The following ANK3 variants were observed in gnomAD, a reference collection of about 807,000 sequenced individuals.
ANK3 encodes the protein ankyrin 3.
Under a neutral mutation model 370.9 loss-of-function variants are expected in ANK3, and 57 were observed. That is an observed-to-expected ratio of 0.15 (90% CI 0.12 to 0.19). The LOEUF (loss-of-function observed/expected upper bound fraction) is 0.19, where lower values mean the gene tolerates loss of function less well. Ranked by LOEUF, ANK3 falls within the 10% of genes least tolerant of loss-of-function variation. ANK3 has a pLI of 1.00. For missense variants in ANK3, 4,439 were observed against 5,302.1 expected (o/e 0.84, Z 5.06); for synonymous variants, 1,929 against 1,946.3 (o/e 0.99, Z 0.23).
chr10:60,095,804 A>C (rs1409275713), intron 28 of ANK3, among the ~76,000 whole-genome samples: 1 of 152,258 alleles, frequency 6.6e-6, no homozygotes, highest in African/African-American at 2.4e-5. Flanking sequence ...TTACTTAATG[A>C]ACATTTACAC....
At chr10:60,464,974 G>A (rs2064975765) in intron 2 of ANK3, among the ~76,000 whole-genome samples, 1 of 152,130 alleles carries the variant, frequency 6.6e-6, no homozygotes, top group African/African-American at 2.4e-5. Flanking sequence ...ATTCTCATGA[G>A]AAGTTCCTGC....
At chr10:60,511,878 T>C (rs1567107200) in intron 2 of ANK3, among the ~76,000 whole-genome samples, 1 of 152,044 alleles carries the variant, frequency 6.6e-6, no homozygotes, top group Non-Finnish European at 1.5e-5. Flanking sequence ...CAAATGCCTC[T>C]GGTAATGACA....
intron 42 of ANK3, chr10:60,044,127 G>A (rs772204519): frequency 9.1e-6 from 9 of 985,348 alleles, no homozygotes; most frequent in African/African-American, 8.8e-5. Flanking sequence ...AATACTTTCC[G>A]AGTGATCTGT....
intron 32 of ANK3, chr10:60,083,830 A>G (rs1280090397): frequency 2.5e-6 from 1 of 407,728 alleles, no homozygotes; most frequent in Admixed American, 4.4e-5. Flanking sequence ...ACATATACAG[A>G]ACAGAATTAC....
chr10:60,071,341 T>G lies in ANK3; in HGVS notation c.9540A>C (p.Glu3180Asp). The change falls in exon 37 of 44, where the codon GAA becomes GAC. Residue 3180 changes from glutamate (E) to aspartate (D), a missense_variant. Physicochemically the swap from Glu to Asp is conservative, Grantham distance 45 (BLOSUM62 2). Around this residue, in one of 13 missense-constraint regions of ANK3, gnomAD observed 1,601 missense variants for 1,731.7 expected, o/e 0.92. Coordinates refer to ENST00000280772, the MANE Select transcript of ANK3 (RefSeq NM_020987.5). Reference sequence around the variant, plus strand: ...GCGAGTCAGGTGTCTTAGATGTAAATTCATAACTCACTTCCTCTGAACTGG... The same window carrying G: ...GCGAGTCAGGTGTCTTAGATGTAAAGTCATAACTCACTTCCTCTGAACTGG... ...ETPSSEEVSY[E>D]FTSKTPDSLI... 1 of 1,614,046 alleles carries G rather than the reference T, an allele frequency of 6.2e-7. No individual in the cohort carries two copies. The highest frequency in any genetic ancestry group is 8.5e-7 in the Non-Finnish European group (1 of 1,179,986).
At chr10:60,612,735 C>T (rs1567179412) in intron 2 of ANK3, among the ~76,000 whole-genome samples, 1 of 152,166 alleles carries the variant, frequency 6.6e-6, no homozygotes, top group African/African-American at 2.4e-5. Context: ...TCGTGATCCA[C>T]CCGCCTTGGC....
chr10:60,510,930 T>G lies in ANK3; in HGVS notation c.96+104256A>C, dbSNP rs2076063458. Among the ~76,000 whole-genome samples, 5 of 152,286 alleles carry G rather than the reference T, an allele frequency of 3.3e-5. No homozygotes were observed. In the South Asian group the frequency reaches 1.0e-3, roughly 32 times the overall value. On this transcript the variant is annotated intron_variant, in intron 2 of 43. Coordinates refer to the ANK3 transcript ENST00000373827. ...GCCTATGCCTCTACACTGTAAGACA[T>G]GCTTTGGGCTGCCTGCTTCCATTTG... is the stretch of plus-strand genomic sequence containing the variant.
rs1591673314 is a variant in ANK3 at position 60,202,936 on chromosome 10, T to C, written c.1392+66A>G. ...AAAAATAAAAAATAAAAAAAGTAGATAAAAACCACCTTTGCCAGTTTATTA... is the reference window on the plus strand; with the variant it reads ...AAAAATAAAAAATAAAAAAAGTAGACAAAAACCACCTTTGCCAGTTTATTA... On this transcript the variant is annotated intron_variant, in intron 12 of 43. Coordinates refer to ENST00000280772, the MANE Select transcript of ANK3 (RefSeq NM_020987.5). 1.2e-5 allele frequency: 14 copies of C among 1,193,866 alleles called. No homozygotes were observed. The East Asian group carries it at 3.4e-4, about 29-fold the overall frequency. 74.0% of individuals were successfully genotyped at this position (1,193,866 alleles called of 1,614,324 possible). A position where few individuals can be genotyped will look rare whatever the true frequency, so the allele number is the denominator to read the frequency against.
chr10:60,605,610 T>TA (rs1423779757), intron 2 of ANK3, among the ~76,000 whole-genome samples: 2 of 152,164 alleles, frequency 1.3e-5, no homozygotes, highest in African/African-American at 4.8e-5. Flanking sequence ...GGAACAAAGC[T>TA]TGCTTGCTTC....
intron 2 of ANK3, among the ~76,000 whole-genome samples, chr10:60,403,190 A>G (rs1337648707): frequency 6.6e-6 from 1 of 152,238 alleles, no homozygotes; most frequent in African/African-American, 2.4e-5. Context: ...TGAAATTACT[A>G]CAAAAACAAT....
At chr10:60,175,803 T>C (rs1344880652) in intron 18 of ANK3, among the ~76,000 whole-genome samples, 3 of 152,152 alleles carry the variant, frequency 2.0e-5, no homozygotes, top group Admixed American at 1.3e-4. Flanking sequence ...TTACTATCTG[T>C]GTGAATTTGG....
chr10:60,303,865 G>A (rs557387621), intron 1 of ANK3, among the ~76,000 whole-genome samples: 1 of 147,148 alleles, frequency 6.8e-6, no homozygotes, highest in Non-Finnish European at 1.5e-5. Flanking sequence ...TGAATAAAAT[G>A]TGGTGTATAT....
chr10:60,319,352 C>T (rs1268345793), intron 1 of ANK3, among the ~76,000 whole-genome samples: 3 of 152,220 alleles, frequency 2.0e-5, no homozygotes, highest in Middle Eastern at 6.8e-3. Flanking sequence ...AAACCTTTCC[C>T]CAAACAGGTA....
chr10:60,185,279 G>C (rs918689429), intron 17 of ANK3, among the ~76,000 whole-genome samples: 8 of 152,124 alleles, frequency 5.3e-5, no homozygotes, highest in African/African-American at 1.9e-4. Flanking sequence ...TAATAACCTT[G>C]AGAATTCAGA....
chr10:60,057,845 CTGTT>C (rs1219067128), intron 41 of ANK3, among the ~76,000 whole-genome samples: 1 of 152,114 alleles, frequency 6.6e-6, no homozygotes. Flanking sequence ...AAAATTAGTA[CTGTT>C]TGTCTTCTTT....
chr10:60,046,326 C>T lies in ANK3; in HGVS notation c.13066-3567G>A, dbSNP rs111583571. Among the ~76,000 whole-genome samples, 284 of 152,160 alleles carry T rather than the reference C, an allele frequency of 1.9e-3. 1 individual carries two copies. Among genetic ancestry groups the T allele is most frequent in the African/African-American group, 6.4e-3 (266 of 41,516 alleles). ...GAAAGTTTTCCTTATAGCTTAAACA[C>T]GAATGACAAATATTTTTGAGCTAAC... is the stretch of plus-strand genomic sequence containing the variant. On this transcript the variant is annotated intron_variant, in intron 42 of 43. Coordinates refer to ENST00000280772, the MANE Select transcript of ANK3 (RefSeq NM_020987.5).
chr10:60,090,459 G>A (rs992563157), intron 28 of ANK3, among the ~76,000 whole-genome samples: 1 of 152,114 alleles, frequency 6.6e-6, no homozygotes, highest in Non-Finnish European at 1.5e-5. Flanking sequence ...ACATAAAAAT[G>A]TAAAGATTTC....
intron 2 of ANK3, among the ~76,000 whole-genome samples, chr10:60,608,253 T>A (rs2078154136): frequency 6.6e-6 from 1 of 152,206 alleles, no homozygotes; most frequent in Non-Finnish European, 1.5e-5. Context: ...TGTTTTTTAC[T>A]GCACCATTTG....
chr10:60,173,661 G>C (rs1388626814), intron 18 of ANK3, among the ~76,000 whole-genome samples: 1 of 152,186 alleles, frequency 6.6e-6, no homozygotes, highest in Non-Finnish European at 1.5e-5. Context: ...AAGAAGCACA[G>C]AAACACTAAA....
Sources: allele counts gnomAD v4.1 joint callset (sites outside exome capture counted in the v4.1 genomes callset), GRCh38; gene constraint gnomAD v4.1.1; regional missense constraint gnomAD v4.1.1; transcripts MANE v1.5; gene names NCBI Gene and HGNC (gene_info 2026-07-23, HGNC 2026-07-21).